Variants in NEK10 observed in about 807,000 individuals in gnomAD.
NEK10 encodes the protein NIMA related kinase 10, also known as serine/threonine-protein kinase Nek10.
NEK10 carries 122 observed loss-of-function variants against 159.8 expected under a neutral mutation model. The ratio of observed to expected loss-of-function variants is 0.76; its 90% confidence interval spans 0.66 to 0.89. The LOEUF (loss-of-function observed/expected upper bound fraction) is 0.89. NEK10 is among the 40% of genes least tolerant of loss of function. The pLI is 0.00. For missense variants in NEK10, 1,342 were observed against 1,323.1 expected, an observed-to-expected ratio of 1.01 and a Z score of -0.22; for synonymous variants, 466 against 457.1, an observed-to-expected ratio of 1.02 and a Z score of -0.25.
intron 25 of NEK10, among the ~76,000 whole-genome samples, chr3:27,198,040 A>G (rs1001608142): frequency 1.3e-5 from 2 of 152,190 alleles, no homozygotes; most frequent in Non-Finnish European, 2.9e-5. Flanking sequence ...ACAATTGCCA[A>G]AAAAAGAATA....
chr3:27,214,809 A>G, intron 23 of NEK10: 2 of 1,035,148 alleles, frequency 1.9e-6, no homozygotes, highest in Admixed American at 3.4e-5. Flanking sequence ...CTGCTCTTTG[A>G]CATATTTTCC....
intron 23 of NEK10, among the ~76,000 whole-genome samples, chr3:27,220,579 T>TG (rs1286200340): frequency 6.6e-6 from 1 of 150,390 alleles, no homozygotes; most frequent in Non-Finnish European, 1.5e-5. Flanking sequence ...CTTGCGGGGG[T>TG]GGGGGGATCA....
intron 30 of NEK10, among the ~76,000 whole-genome samples, chr3:27,150,575 C>T (rs941350518): frequency 1.3e-5 from 2 of 152,120 alleles, no homozygotes; most frequent in African/African-American, 4.8e-5. Context: ...GATCTACTGC[C>T]CTGAAATAAA....
At chr3:27,143,882 C>T (rs1944029351) in intron 30 of NEK10, among the ~76,000 whole-genome samples, 1 of 152,122 alleles carries the variant, frequency 6.6e-6, no homozygotes, top group African/African-American at 2.4e-5. Context: ...TACTTGAGTC[C>T]TGAAGCCAAT....
At chr3:27,254,733 A>G (rs1178788139) in intron 23 of NEK10, among the ~76,000 whole-genome samples, 1 of 152,194 alleles carries the variant, frequency 6.6e-6, no homozygotes, top group Admixed American at 6.5e-5. Flanking sequence ...ACATGCTATT[A>G]AAACAATCAT....
intron 5 of NEK10, among the ~76,000 whole-genome samples, chr3:27,326,052 T>A (rs921663096): frequency 6.6e-6 from 1 of 152,216 alleles, no homozygotes; most frequent in Non-Finnish European, 1.5e-5. Flanking sequence ...GGATGTACTA[T>A]GGGTTCATCC....
chr3:27,350,896 C>G (rs1472405910), intron 3 of NEK10, among the ~76,000 whole-genome samples: 1 of 152,008 alleles, frequency 6.6e-6, no homozygotes, highest in Non-Finnish European at 1.5e-5. Context: ...GTTATACATC[C>G]TCATGTGGTG....
At chr3:27,234,422 G>GATACAATTC (rs1454785655) in intron 23 of NEK10, among the ~76,000 whole-genome samples, 2 of 151,980 alleles carry the variant, frequency 1.3e-5, no homozygotes, top group East Asian at 3.9e-4. Context: ...AAAGTCTCAG[G>GATACAATTC]ATACAATTCA....
At chr3:27,322,075 GAAAAC>G in intron 6 of NEK10, 97 bp downstream of exon 6, 1 of 636,306 alleles carries the variant, frequency 1.6e-6, no homozygotes, top group Non-Finnish European at 2.8e-6. Flanking sequence ...TTGTGAGAGA[GAAAAC>G]AAAAAGTAAA....
At chr3:27,329,921 C>T (rs901511820) in intron 5 of NEK10, among the ~76,000 whole-genome samples, 1 of 152,146 alleles carries the variant, frequency 6.6e-6, no homozygotes, top group African/African-American at 2.4e-5. Context: ...CCTTGGTATC[C>T]TCAGGAGTTC....
At chr3:27,111,513 C>G (rs1466379144) in intron 35 of NEK10, among the ~76,000 whole-genome samples, 193 bp from the exon 36 acceptor site, 1 of 152,172 alleles carries the variant, frequency 6.6e-6, no homozygotes, top group East Asian at 1.9e-4. Context: ...CAAGGCCTTT[C>G]TCAAATTATG....
intron 13 of NEK10, among the ~76,000 whole-genome samples, chr3:27,297,710 A>G (rs1327065999): frequency 6.6e-6 from 1 of 152,230 alleles, no homozygotes; most frequent in Non-Finnish European, 1.5e-5. Flanking sequence ...AAGAGTTACT[A>G]GACTAGGCCA....
chr3:27,287,627 C>A, intron 20 of NEK10, 71 bp downstream of exon 20: 1 of 1,478,682 alleles, frequency 6.8e-7, no homozygotes, highest in Non-Finnish European at 9.1e-7. Context: ...TCTTTTGTGA[C>A]ATTCTGATAC....
At chr3:27,204,306 T>G (rs1575231659) in intron 23 of NEK10, among the ~76,000 whole-genome samples, 25 of 106,112 alleles carry the variant, frequency 2.4e-4, no homozygotes, top group African/African-American at 7.2e-4. Context: ...TTGTTGTTTT[T>G]TTTTTTTTTT....
At chr3:27,348,385 T>G (rs1225925287) in intron 3 of NEK10, among the ~76,000 whole-genome samples, 1 of 152,104 alleles carries the variant, frequency 6.6e-6, no homozygotes, top group East Asian at 1.9e-4. Context: ...GTATCGGAAA[T>G]CAACTCATGG....
intron 26 of NEK10, among the ~76,000 whole-genome samples, chr3:27,186,733 T>C (rs144864233): frequency 7.7e-4 from 118 of 152,302 alleles, no homozygotes; most frequent in African/African-American, 2.5e-3. Context: ...AGGCACTCAG[T>C]AAATACTTGT....
chr3:27,271,718 C>T (rs550830451), intron 22 of NEK10, among the ~76,000 whole-genome samples: 10 of 152,106 alleles, frequency 6.6e-5, no homozygotes, highest in Non-Finnish European at 1.2e-4. Flanking sequence ...GTTTCTATTA[C>T]TCTTTCCTCA....
chr3:27,261,460 C>T (rs564534168), intron 22 of NEK10, among the ~76,000 whole-genome samples: 14 of 152,300 alleles, frequency 9.2e-5, no homozygotes, highest in African/African-American at 3.4e-4. Context: ...ATCTTTATTT[C>T]TGCCTTCATT....
intron 22 of NEK10, among the ~76,000 whole-genome samples, chr3:27,265,151 A>G (rs1045046931): frequency 2.0e-5 from 3 of 152,156 alleles, no homozygotes; most frequent in African/African-American, 7.2e-5. Flanking sequence ...TGAAAAACTG[A>G]GTGTTTCCCT....
Sources: gnomAD v4.1 joint callset for allele counts (sites outside exome capture counted in the v4.1 genomes callset) on GRCh38, gnomAD v4.1.1 for gene constraint, MANE v1.5 for transcripts, NCBI Gene and HGNC (gene_info 2026-07-23, HGNC 2026-07-21) for gene names.